The following ABI3BP variants were observed in gnomAD, a reference collection of about 807,000 sequenced individuals.
ABI3BP encodes the protein target of Nesh-SH3.
ABI3BP carries 216 observed loss-of-function variants against 268.6 expected under a neutral mutation model. The observed-to-expected ratio is 0.80, with a 90% CI of 0.72 to 0.90. The LOEUF (loss-of-function observed/expected upper bound fraction) is 0.90. Among genes scored for constraint, ABI3BP ranks in the 40% least tolerant of loss-of-function variants. The pLI is 0.00. For missense variants in ABI3BP, 2,090 were observed against 2,182.4 expected (o/e 0.96, Z 0.84); for synonymous variants, 730 against 730.0 (o/e 1.00, Z 0.00).
At chr3:100,845,168 C>T (rs2098752961) in intron 20 of ABI3BP, among the ~76,000 whole-genome samples, 1 of 152,122 alleles carries the variant, frequency 6.6e-6, no homozygotes, top group Non-Finnish European at 1.5e-5. Flanking sequence ...CTACTCTATC[C>T]CAAAGCTCTC....
At chr3:100,959,063 C>G (rs1216397389) in intron 1 of ABI3BP, among the ~76,000 whole-genome samples, 1 of 152,092 alleles carries the variant, frequency 6.6e-6, no homozygotes, top group Non-Finnish European at 1.5e-5. Flanking sequence ...CCGCTGCAGC[C>G]AGAATAAGGG....
intron 48 of ABI3BP, 35 bp downstream of exon 48, chr3:100,811,195 G>T: frequency 6.6e-7 from 1 of 1,517,786 alleles, no homozygotes; most frequent in South Asian, 1.2e-5. Context: ...AATGAAGACA[G>T]AGAGCACCCA....
intron 1 of ABI3BP, among the ~76,000 whole-genome samples, chr3:100,936,612 T>C (rs2066268990): frequency 6.6e-6 from 1 of 151,718 alleles, no homozygotes. Context: ...GTCCTGGACT[T>C]TTTTTTTGGT....
intron 64 of ABI3BP, 95 bp downstream of exon 64, chr3:100,754,517 A>G: frequency 8.3e-7 from 1 of 1,203,176 alleles, no homozygotes; most frequent in Non-Finnish European, 1.2e-6. Flanking sequence ...AAGAAACAGT[A>G]CATGTAGTGG....
intron 20 of ABI3BP, among the ~76,000 whole-genome samples, chr3:100,843,047 A>C (rs928172007): frequency 1.3e-5 from 2 of 152,200 alleles, no homozygotes; most frequent in African/African-American, 4.8e-5. Context: ...GAGAATACGT[A>C]GCGACTAAAA....
chr3:100,866,830 A>G, intron 10 of ABI3BP, 49 bp downstream of exon 10: 1 of 1,528,436 alleles, frequency 6.5e-7, no homozygotes, highest in Non-Finnish European at 9.0e-7. Context: ...GTATTTGAAA[A>G]AAAGCATTTT....
In ABI3BP at chr3:100,864,205, A is replaced by T. The variant is rs900148765; in HGVS notation, c.1064-129T>A. 4 of 670,310 alleles carry T rather than the reference A, an allele frequency of 6.0e-6. No homozygotes were observed. The African/African-American group carries it at 7.2e-5, about 12-fold the overall frequency. The allele number at this position is 670,310 out of a possible 1,614,324, so 41.5% of individuals were successfully genotyped here. On this transcript the variant is annotated intron_variant, in intron 11 of 67. Coordinates refer to ENST00000471714, the MANE Select transcript of ABI3BP (RefSeq NM_001375547.2). Reference sequence around the variant, plus strand: ...CAGAGCAGCCAATACCTTTAATGGAAATAACCTTCCCTGGAAAAGTTACAT... The same window carrying T: ...CAGAGCAGCCAATACCTTTAATGGATATAACCTTCCCTGGAAAAGTTACAT...
At chr3:100,944,924 G>T (rs955195821) in intron 1 of ABI3BP, among the ~76,000 whole-genome samples, 2 of 152,098 alleles carry the variant, frequency 1.3e-5, no homozygotes, top group Non-Finnish European at 2.9e-5. Context: ...ACTCCACTGT[G>T]GGCATCTCAT....
At chr3:100,776,908 G>A (rs1159349714) in intron 59 of ABI3BP, among the ~76,000 whole-genome samples, 1 of 152,176 alleles carries the variant, frequency 6.6e-6, no homozygotes, top group Non-Finnish European at 1.5e-5. Flanking sequence ...GCCCCCAAGT[G>A]GCACACTCAG....
At chr3:100,934,815 A>C (rs751039868) in intron 1 of ABI3BP, among the ~76,000 whole-genome samples, 23 of 151,834 alleles carry the variant, frequency 1.5e-4, no homozygotes, top group Non-Finnish European at 3.2e-4. Context: ...TCCTTCACCC[A>C]CTTTTTGATG....
intron 6 of ABI3BP, among the ~76,000 whole-genome samples, chr3:100,877,988 T>A (rs2099180331): frequency 1.3e-5 from 2 of 152,212 alleles, no homozygotes; most frequent in Admixed American, 1.3e-4. Flanking sequence ...GTTCTTATGT[T>A]TTAAAAAAAT....
At chr3:100,780,277 T>C (rs2096829600) in intron 57 of ABI3BP, 68 bp from the exon 58 acceptor site, 2 of 1,465,294 alleles carry the variant, frequency 1.4e-6, no homozygotes, top group Admixed American at 1.8e-5. Flanking sequence ...TTGGTAGAGT[T>C]GCCAGTAATA....
chr3:100,772,707 TAGAA>T (rs1228512614), intron 61 of ABI3BP, among the ~76,000 whole-genome samples: 1 of 151,528 alleles, frequency 6.6e-6, no homozygotes, highest in Non-Finnish European at 1.5e-5. Flanking sequence ...ATGGGAAAAA[TAGAA>T]AGCAAATAGC....
intron 15 of ABI3BP, among the ~76,000 whole-genome samples, 175 bp downstream of exon 15, chr3:100,851,700 G>T (rs2098841077): frequency 6.6e-6 from 1 of 152,168 alleles, no homozygotes; most frequent in Non-Finnish European, 1.5e-5. Context: ...GAGATGTAAA[G>T]AACTAATCAC....
At chr3:100,931,728 T>C (rs996679715) in intron 1 of ABI3BP, among the ~76,000 whole-genome samples, 1 of 151,872 alleles carries the variant, frequency 6.6e-6, no homozygotes, top group Non-Finnish European at 1.5e-5. Context: ...ATGGAAAACA[T>C]CTCATGCTCA....
At chr3:100,830,102 CATACATACATATAT>C (rs2098458704) in intron 32 of ABI3BP, among the ~76,000 whole-genome samples, 12 of 56,194 alleles carry the variant, frequency 2.1e-4, no homozygotes, top group African/African-American at 1.0e-3. Flanking sequence ...TACATACATA[CATACATACATATAT>C]ATATATATAT....
In ABI3BP at chr3:100,926,305, C is replaced by G; in HGVS notation, c.256G>C (p.Val86Leu). Residue 86 changes from valine (V) to leucine (L), a missense_variant, in exon 2 of 68, where the codon GTT becomes CTT. Val to Leu is a conservative substitution (Grantham distance 32). Coordinates refer to ENST00000471714, the MANE Select transcript of ABI3BP (RefSeq NM_001375547.2). ...PAEGKFTEAI[V>L]DAEPKYLIVV... The stretch of plus-strand genomic sequence containing the variant: ...GCCCGATACCCAAACACCTTACCAA[C>G]TATAGCTTCTGTGAATTTCCCTTCA... The G allele has an allele frequency of 6.2e-7, 1 of 1,613,216 alleles. No homozygotes were observed. The highest frequency in any genetic ancestry group is 8.5e-7 in the Non-Finnish European group (1 of 1,179,428).
Position 100,842,013 on chromosome 3 carries a change from A to T in ABI3BP, c.1750T>A (p.Ser584Thr). 6.5e-7 allele frequency: 1 copy of T among 1,534,710 alleles called. No individual in the cohort carries two copies. The highest frequency in any genetic ancestry group is 8.7e-7 in the Non-Finnish European group (1 of 1,145,724). ...PAPEPQTLLP[S>T]QSTIGPETPG... ...GCTTTATTACCTATTGTTGACTGTGATGGCAGTAGAGTCTGAGGTTCTGGG... is the reference window on the plus strand; with the variant it reads ...GCTTTATTACCTATTGTTGACTGTGTTGGCAGTAGAGTCTGAGGTTCTGGG... The change falls in exon 21 of 68, where the codon TCA becomes ACA. Residue 584 changes from serine to threonine, a missense_variant. Transcript: ENST00000471714.
chr3:100,966,269 T>C (rs2081265346), intron 1 of ABI3BP, among the ~76,000 whole-genome samples: 1 of 152,228 alleles, frequency 6.6e-6, no homozygotes, highest in Non-Finnish European at 1.5e-5. Context: ...AATTTGATCA[T>C]CTAGCTAACA....
Sources: gnomAD v4.1 joint callset for allele counts (sites outside exome capture counted in the v4.1 genomes callset) on GRCh38, gnomAD v4.1.1 for gene constraint, MANE v1.5 for transcripts, NCBI Gene and HGNC (gene_info 2026-07-23, HGNC 2026-07-21) for gene names.